TMEM117: variants seen among roughly 807,000 people sequenced by gnomAD.
TMEM117 encodes the protein transmembrane protein 117.
TMEM117 carries 27 observed loss-of-function variants against 52.4 expected under a neutral mutation model. The observed-to-expected ratio is 0.51, with a 90% CI of 0.38 to 0.71. The LOEUF (loss-of-function observed/expected upper bound fraction) is 0.71. Among genes scored for constraint, TMEM117 ranks in the 30% least tolerant of loss-of-function variants. The pLI, the probability that TMEM117 is intolerant of heterozygous loss-of-function variation, is 0.00. For synonymous variants in TMEM117, 215 were observed against 206.3 expected (o/e 1.04, Z -0.36); for missense variants, 556 against 630.5 (o/e 0.88, Z 1.26).
Position 44,282,487 on chromosome 12 carries a change from G to C in TMEM117, c.609-17093G>C, listed in dbSNP as rs192944859. The stretch of plus-strand genomic sequence containing the variant: ...GGTGAGGAACTTGTTGGGAACTGGA[G>C]TAAAGGTGACTCTTGTTATGTTTTA... On this transcript the variant is annotated intron_variant, in intron 5 of 7. Transcript: ENST00000266534. Among the ~76,000 whole-genome samples the C allele has an allele frequency of 2.6e-5, 4 of 152,296 alleles. No individual in the cohort carries two copies. The East Asian group carries it at 7.7e-4, about 29-fold the overall frequency.
intron 3 of TMEM117, among the ~76,000 whole-genome samples, chr12:44,046,243 G>A (rs977762741): frequency 1.3e-5 from 2 of 152,126 alleles, no homozygotes; most frequent in African/African-American, 2.4e-5. Context: ...GCCACCAGGA[G>A]ACACAACAAC....
At chr12:43,886,413 T>C (rs1448086948) in intron 2 of TMEM117, among the ~76,000 whole-genome samples, 1 of 152,134 alleles carries the variant, frequency 6.6e-6, no homozygotes, top group Non-Finnish European at 1.5e-5. Context: ...TAGATTTGTA[T>C]GTAGATCACT....
Position 44,320,903 on chromosome 12 carries a change from A to C in TMEM117, c.768+21164A>C, listed in dbSNP as rs531441892. Among the ~76,000 whole-genome samples the C allele has an allele frequency of 6.6e-5, 10 of 152,376 alleles. No homozygotes were observed. In the East Asian group the frequency reaches 1.9e-3, roughly 29 times the overall value. Reference sequence around the variant, plus strand: ...ACGTCAGACACAGAGAATATTCAACAGATGTTGGCTGAATTTAGACCAGCA... The same window carrying C: ...ACGTCAGACACAGAGAATATTCAACCGATGTTGGCTGAATTTAGACCAGCA... On this transcript the variant is annotated intron_variant, in intron 6 of 7. Coordinates refer to ENST00000266534, the MANE Select transcript of TMEM117 (RefSeq NM_032256.3).
intron 3 of TMEM117, among the ~76,000 whole-genome samples, chr12:44,139,432 C>T (rs560946204): frequency 1.1e-4 from 17 of 151,610 alleles, no homozygotes; most frequent in African/African-American, 3.6e-4. Flanking sequence ...CTTGGTATCT[C>T]GTATTGTCAA....
rs199984880 is a variant in TMEM117, at chr12:44,087,756, C to A, written c.411-55769C>A. Among the ~76,000 whole-genome samples the A allele has an allele frequency of 2.6e-5, 4 of 152,162 alleles. No homozygotes were observed. In the East Asian group the frequency reaches 7.7e-4, roughly 29 times the overall value. ...CTGGGATTACAGGCATGGACCACCA[C>A]ACCTGGCCTTATTATTTTTAAATTG... On this transcript the variant is annotated intron_variant, in intron 3 of 7. Transcript: ENST00000266534.
rs565531413 is a variant in TMEM117, at chr12:44,381,206, A to G, written c.898+4482A>G. Among the ~76,000 whole-genome samples the G allele has an allele frequency of 6.8e-4, 104 of 152,258 alleles. 1 individual carries two copies. Among genetic ancestry groups the G allele is most frequent in the Non-Finnish European group, 1.3e-3 (87 of 68,012 alleles). ...TTTAAAATATATTTTTTCTTAGAAT[A>G]TGGGCTTCAGTAACAAAGGGAATAA... is the stretch of plus-strand genomic sequence containing the variant. On this transcript the variant is annotated intron_variant, in intron 7 of 7. Coordinates refer to ENST00000266534, the MANE Select transcript of TMEM117 (RefSeq NM_032256.3).
At chr12:44,083,529 A>G (rs968616220) in intron 3 of TMEM117, 5 of 150,024 alleles carry the variant, frequency 3.3e-5, no homozygotes, top group African/African-American at 1.2e-4. Context: ...CAGTCTCTTG[A>G]GTAGCTGGGA....
chr12:44,003,548 A>G (rs1011867982), intron 3 of TMEM117, among the ~76,000 whole-genome samples: 1 of 151,914 alleles, frequency 6.6e-6, no homozygotes, highest in Admixed American at 6.6e-5. Flanking sequence ...ACCCCCTCAC[A>G]CTTGGTTCAG....
At chr12:44,102,852 C>T (rs60995491) in intron 3 of TMEM117, among the ~76,000 whole-genome samples, 18,831 of 151,942 alleles carry the variant, frequency 0.12, 1,415 homozygotes, top group African/African-American at 0.21. Flanking sequence ...GAGTGGTTAC[C>T]TCCATGCTGT....
the TMEM117 span, chr12:43,806,146 C>A: frequency 1.3e-6 from 2 of 1,507,074 alleles, no homozygotes; most frequent in East Asian, 2.5e-5. Context: ...CCAGCCCTGC[C>A]GGTCCTGCAG....
chr12:44,153,734 T>G (rs1477452253), intron 4 of TMEM117, among the ~76,000 whole-genome samples: 1 of 152,052 alleles, frequency 6.6e-6, no homozygotes, highest in Non-Finnish European at 1.5e-5. Context: ...GCTCCACGTA[T>G]TTTTAGAGCA....
chr12:43,968,545 C>G (rs531745767), intron 3 of TMEM117, among the ~76,000 whole-genome samples: 1 of 152,224 alleles, frequency 6.6e-6, no homozygotes, highest in East Asian at 1.9e-4. Flanking sequence ...ATTTTTCCGG[C>G]TATATAGTTC....
intron 3 of TMEM117, among the ~76,000 whole-genome samples, chr12:44,026,090 C>T (rs1946529546): frequency 6.6e-6 from 1 of 152,124 alleles, no homozygotes; most frequent in African/African-American, 2.4e-5. Flanking sequence ...TAGCAGGTGA[C>T]CCTGTTATAT....
At chr12:44,262,951 G>A (rs1017917900) in intron 5 of TMEM117, among the ~76,000 whole-genome samples, 4 of 152,194 alleles carry the variant, frequency 2.6e-5, no homozygotes, top group African/African-American at 9.6e-5. Context: ...TGGAAACTAA[G>A]TAAGAAAAAT....
chr12:43,799,857 A>G, the TMEM117 span, among the ~76,000 whole-genome samples: 5 of 152,112 alleles, frequency 3.3e-5, no homozygotes, highest in Admixed American at 3.3e-4. Flanking sequence ...CAACATATTC[A>G]GATTCTGAAT....
chr12:44,259,889 A>T (rs1950301513), intron 5 of TMEM117, among the ~76,000 whole-genome samples: 3 of 152,212 alleles, frequency 2.0e-5, no homozygotes. Flanking sequence ...AATGAAGGAC[A>T]TCAGTTTATG....
chr12:44,027,920 T>C (rs1565798280), intron 3 of TMEM117, among the ~76,000 whole-genome samples: 1 of 152,158 alleles, frequency 6.6e-6, no homozygotes, highest in African/African-American at 2.4e-5. Context: ...AAAAAGCTGT[T>C]TGAGGCCGGG....
chr12:44,337,308 C>A (rs1178166384), intron 6 of TMEM117, among the ~76,000 whole-genome samples: 1 of 151,904 alleles, frequency 6.6e-6, no homozygotes, highest in Non-Finnish European at 1.5e-5. Context: ...GAAGAACTGA[C>A]CCTCTTATAA....
chr12:44,289,541 T>C lies in TMEM117; in HGVS notation c.609-10039T>C, dbSNP rs182388930. Among the ~76,000 whole-genome samples the C allele has an allele frequency of 5.3e-3, 784 of 149,204 alleles. 2 individuals are homozygous for C. The highest frequency in any genetic ancestry group is 8.7e-3 in the Non-Finnish European group (592 of 67,762). ...CAATGTAAAAGAGATCTGTTTTCTT[T>C]TCTTTTCTCTTTTTTTTTTTTTTTT... On this transcript the variant is annotated intron_variant, in intron 5 of 7. Coordinates refer to ENST00000266534, the MANE Select transcript of TMEM117 (RefSeq NM_032256.3).
Sources: allele counts gnomAD v4.1 joint callset (sites outside exome capture counted in the v4.1 genomes callset), GRCh38; gene constraint gnomAD v4.1.1; transcripts MANE v1.5; gene names NCBI Gene and HGNC (gene_info 2026-07-23, HGNC 2026-07-21).